SGCZ: variants seen among roughly 807,000 people sequenced by gnomAD.
SGCZ encodes sarcoglycan zeta.
A neutral mutation model predicts 41.3 loss-of-function variants in SGCZ; 40 were observed. The ratio of observed to expected loss-of-function variants is 0.97; its 90% CI spans 0.75 to 1.26. The LOEUF is 1.26. Ranked by LOEUF, SGCZ falls within the 50% of genes most tolerant of loss-of-function variation. The pLI, the probability that SGCZ is intolerant of heterozygous loss-of-function variation, is 0.00. For synonymous variants in SGCZ, 206 were observed against 137.5 expected (o/e 1.50, Z -3.49); for missense variants, 552 against 369.8 (o/e 1.49, Z -4.04).
chr8:15,116,175 A>C (rs1206931123), intron 1 of SGCZ, among the ~76,000 whole-genome samples: 1 of 152,220 alleles, frequency 6.6e-6, no homozygotes, highest in Non-Finnish European at 1.5e-5. Context: ...GCTACATCCC[A>C]TACAACTCTT....
intron 2 of SGCZ, among the ~76,000 whole-genome samples, chr8:14,507,453 C>G (rs1345056937): frequency 1.3e-5 from 2 of 152,184 alleles, no homozygotes; most frequent in African/African-American, 4.8e-5. Context: ...CAATATGTCA[C>G]ATGCCTTCAA....
intron 1 of SGCZ, among the ~76,000 whole-genome samples, chr8:14,610,190 C>A (rs1805881670): frequency 6.6e-6 from 1 of 152,072 alleles, no homozygotes; most frequent in South Asian, 2.1e-4. Context: ...TGGCCCCAAC[C>A]TATATTACAT....
chr8:14,156,919 T>C (rs1399503749), intron 5 of SGCZ, among the ~76,000 whole-genome samples: 1 of 152,202 alleles, frequency 6.6e-6, no homozygotes, highest in Non-Finnish European at 1.5e-5. Flanking sequence ...CCTGAGGATG[T>C]TCTCCAGTTA....
intron 1 of SGCZ, among the ~76,000 whole-genome samples, chr8:14,840,114 G>T (rs1319933990): frequency 2.0e-5 from 3 of 151,946 alleles, no homozygotes; most frequent in Non-Finnish European, 4.4e-5. Flanking sequence ...CTTAAAGAAA[G>T]TAAATGTTCA....
intron 4 of SGCZ, among the ~76,000 whole-genome samples, chr8:14,166,479 C>G (rs1282738396): frequency 6.6e-6 from 1 of 152,098 alleles, no homozygotes; most frequent in Non-Finnish European, 1.5e-5. Flanking sequence ...ATACATGTGA[C>G]TTACTCTGAG....
At chr8:14,144,742 G>C (rs1487429028) in intron 5 of SGCZ, among the ~76,000 whole-genome samples, 2 of 152,158 alleles carry the variant, frequency 1.3e-5, no homozygotes, top group Admixed American at 6.5e-5. Flanking sequence ...GGCCAGAGGG[G>C]AGCCTATTGC....
rs533864314 is a variant in SGCZ at position 14,798,747 on chromosome 8, G to C, written c.40-243821C>G. ...TATTTTCATTTTTATATTAGATTATGTAATTTAAGACAGCATGTACCTAAA... is the reference window on the plus strand; with the variant it reads ...TATTTTCATTTTTATATTAGATTATCTAATTTAAGACAGCATGTACCTAAA... On this transcript the variant is annotated intron_variant, in intron 1 of 7. Coordinates refer to ENST00000382080, the MANE Select transcript of SGCZ (RefSeq NM_139167.4). 4.6e-5 allele frequency among the ~76,000 whole-genome samples: 7 copies of C among 152,058 alleles called. 1 individual carries two copies. Among genetic ancestry groups the C allele is most frequent in the Admixed American group, 4.6e-4 (7 of 15,276 alleles).
At chr8:15,177,533 C>A (rs1344655734) in intron 1 of SGCZ, among the ~76,000 whole-genome samples, 1 of 152,030 alleles carries the variant, frequency 6.6e-6, no homozygotes, top group Non-Finnish European at 1.5e-5. Context: ...TGTAAATGAT[C>A]ATTTTTTAAA....
At chr8:15,132,313 C>T (rs917975936) in intron 1 of SGCZ, among the ~76,000 whole-genome samples, 8 of 152,126 alleles carry the variant, frequency 5.3e-5, no homozygotes, top group Non-Finnish European at 1.2e-4. Flanking sequence ...TATGTAATGC[C>T]GGTTTGCCTG....
chr8:14,839,197 G>C (rs1406253546), intron 1 of SGCZ, among the ~76,000 whole-genome samples: 2 of 152,054 alleles, frequency 1.3e-5, no homozygotes, highest in East Asian at 3.9e-4. Context: ...GATATATTTT[G>C]AAAGTAGAGA....
At chr8:14,146,669 G>A (rs777863210) in intron 5 of SGCZ, among the ~76,000 whole-genome samples, 11 of 151,744 alleles carry the variant, frequency 7.2e-5, no homozygotes, top group Non-Finnish European at 1.0e-4. Context: ...TCAGGAGATC[G>A]AGACCATCCC....
At chr8:14,321,375 A>G (rs1435123731) in intron 3 of SGCZ, among the ~76,000 whole-genome samples, 1 of 152,050 alleles carries the variant, frequency 6.6e-6, no homozygotes, top group Admixed American at 6.6e-5. Context: ...AAGTCTGTAG[A>G]TATTTAGCGA....
intron 2 of SGCZ, among the ~76,000 whole-genome samples, chr8:14,429,908 TGTATCTATCTCC>T (rs1317450444): frequency 6.6e-6 from 1 of 152,162 alleles, no homozygotes; most frequent in Non-Finnish European, 1.5e-5. Context: ...TTTCCAGGAA[TGTATCTATCTCC>T]TCTAGTTTTC....
At chr8:14,869,961 T>C (rs1003310403) in intron 1 of SGCZ, among the ~76,000 whole-genome samples, 1 of 152,202 alleles carries the variant, frequency 6.6e-6, no homozygotes, top group African/African-American at 2.4e-5. Context: ...TATTCCATGC[T>C]CATGGATAGG....
intron 2 of SGCZ, among the ~76,000 whole-genome samples, chr8:14,325,747 CATATATATATATATATAT>C (rs370021799): frequency 0.034 from 2,373 of 69,414 alleles, 42 homozygotes; most frequent in South Asian, 0.044. Context: ...CACACACACA[CATATATATATATATATAT>C]ATATATATAT....
At chr8:14,603,385 T>C (rs1425503928) in intron 1 of SGCZ, among the ~76,000 whole-genome samples, 2 of 152,122 alleles carry the variant, frequency 1.3e-5, no homozygotes, top group Non-Finnish European at 2.9e-5. Flanking sequence ...AAAAGGCTAT[T>C]CAAAATGCTA....
intron 3 of SGCZ, among the ~76,000 whole-genome samples, chr8:14,239,698 C>T (rs937701074): frequency 5.3e-5 from 8 of 151,276 alleles, no homozygotes; most frequent in Admixed American, 4.6e-4. Context: ...GTCAGGAGAT[C>T]GAGACCATCC....
At chr8:14,859,272 A>T (rs1803642876) in intron 1 of SGCZ, among the ~76,000 whole-genome samples, 1 of 152,122 alleles carries the variant, frequency 6.6e-6, no homozygotes, top group Non-Finnish European at 1.5e-5. Flanking sequence ...TCAAGCTCTT[A>T]AGAGTGTATA....
chr8:14,665,984 A>C (rs912215172), intron 1 of SGCZ, among the ~76,000 whole-genome samples: 33 of 152,228 alleles, frequency 2.2e-4, no homozygotes, highest in African/African-American at 8.0e-4. Flanking sequence ...ACGTCATCCC[A>C]CATCCTGGGC....
Sources: allele counts gnomAD v4.1 joint callset (sites outside exome capture counted in the v4.1 genomes callset), GRCh38; gene constraint gnomAD v4.1.1; transcripts MANE v1.5; gene names NCBI Gene and HGNC (gene_info 2026-07-23, HGNC 2026-07-21).